ZNF787: variants seen among roughly 807,000 people sequenced by gnomAD.
ZNF787 encodes the protein zinc finger protein 787.
In ZNF787, 7 loss-of-function variants were observed where a neutral mutation model predicts 16.9. That is an observed-to-expected ratio of 0.42 (90% confidence interval 0.24 to 0.78). The LOEUF is 0.78. Ranked by LOEUF, ZNF787 falls within the 30% of genes least tolerant of loss-of-function variation. The probability of loss-of-function intolerance (pLI) is 0.30; values close to 1 mark genes in which losing one functional copy is unlikely to be tolerated. For missense variants in ZNF787, 551 were observed against 589.3 expected (o/e 0.94, Z 0.67); for synonymous variants, 345 against 270.9 (o/e 1.27, Z -2.69).
chr19:56,103,312 C>T, intron 1 of ZNF787, 85 bp from the exon 2 acceptor site: 3 of 1,235,826 alleles, frequency 2.4e-6, no homozygotes, highest in Non-Finnish European at 2.2e-6. Context: ...AGCCTGCAGA[C>T]CCCGGCGTGA....
rs1254610003 is a variant in ZNF787, at chr19:56,087,634, A to C, written c.*389T>G. The C allele has an allele frequency of 2.4e-5, 4 of 168,994 alleles. No homozygotes were observed. The highest frequency in any genetic ancestry group is 6.4e-5 in the Admixed American group (1 of 15,748). The allele number at this position is 168,994 out of a possible 1,614,324, so 10.5% of individuals were successfully genotyped here. A position where few individuals can be genotyped will look rare whatever the true frequency, so the allele number is the denominator to read the frequency against. On this transcript the variant is annotated 3_prime_UTR_variant, in exon 3 of 3. Coordinates refer to ENST00000610935, the MANE Select transcript of ZNF787 (RefSeq NM_001002836.4). ...TTCTCTTCCCTCTCTGGGATCCTCT[A>C]AAGGGCCTGGTTTCTCCATTCCTCG...
intron 2 of ZNF787, among the ~76,000 whole-genome samples, chr19:56,097,589 C>T (rs985211991): frequency 2.0e-5 from 3 of 152,240 alleles, no homozygotes; most frequent in Non-Finnish European, 2.9e-5. Context: ...AACACCCGCA[C>T]GTGCTGCTAG....
At position 56,093,395 on chromosome 19, in the gene ZNF787, G is replaced by A. The variant is rs529563175; in HGVS notation, c.80-4303C>T. On this transcript the variant is annotated intron_variant, in intron 2 of 2. Transcript: ENST00000610935. ...TACAACCCTCTTGCTGGGTGCACACGCGATCTCAGGGTAACAATGCTACTG... is the reference window on the plus strand; with the variant it reads ...TACAACCCTCTTGCTGGGTGCACACACGATCTCAGGGTAACAATGCTACTG... 7.2e-5 allele frequency among the ~76,000 whole-genome samples: 11 copies of A among 152,192 alleles called. No homozygotes were observed. The East Asian group carries it at 9.7e-4, about 13-fold the overall frequency.
intron 1 of ZNF787, among the ~76,000 whole-genome samples, chr19:56,104,737 C>G (rs895289670): frequency 6.6e-6 from 1 of 152,288 alleles, no homozygotes; most frequent in Non-Finnish European, 1.5e-5. Context: ...ACGCACACCA[C>G]CAAGCGGTGC....
At chr19:56,102,836 C>G in intron 2 of ZNF787, 1 of 696,786 alleles carries the variant, frequency 1.4e-6, no homozygotes. Flanking sequence ...AGGGGGCACC[C>G]TCAACAGACG....
At chr19:56,101,263 C>T (rs576026020) in intron 2 of ZNF787, among the ~76,000 whole-genome samples, 7 of 152,392 alleles carry the variant, frequency 4.6e-5, no homozygotes, top group Admixed American at 3.9e-4. Context: ...GTTACGCGAA[C>T]GCCGGACACC....
intron 2 of ZNF787, among the ~76,000 whole-genome samples, chr19:56,100,086 G>A (rs1986034685): frequency 6.6e-6 from 1 of 152,286 alleles, no homozygotes; most frequent in African/African-American, 2.4e-5. Context: ...TATTCCCAGA[G>A]CAGGTGCCGG....
intron 1 of ZNF787, among the ~76,000 whole-genome samples, chr19:56,114,905 C>T (rs975224742): frequency 8.5e-5 from 13 of 152,252 alleles, no homozygotes; most frequent in South Asian, 4.1e-4. Context: ...AAGCCCACAG[C>T]GCCACCCCTC....
chr19:56,099,888 T>C (rs1340436726), intron 2 of ZNF787, among the ~76,000 whole-genome samples: 1 of 151,832 alleles, frequency 6.6e-6, no homozygotes, highest in Non-Finnish European at 1.5e-5. Context: ...CGGCGGATTC[T>C]CGCTCCCGTC....
intron 2 of ZNF787, among the ~76,000 whole-genome samples, chr19:56,090,605 T>G (rs2123389381): frequency 6.6e-6 from 1 of 152,076 alleles, no homozygotes; most frequent in East Asian, 1.9e-4. Context: ...GCAGATCACT[T>G]GAGGTCAGGA....
rs1985359424 is a variant in ZNF787 at position 56,087,897 on chromosome 19, G to GGGAGCCGGGGATGCCGC, written c.*109_*125dup. ...GACGGCGCAGGGACAGAGGAGGGCG[G>GGGAGCCGGGGATGCCGC]GGAGCCGGGGATGCCGCGGGGTCCA... On this transcript the variant is annotated 3_prime_UTR_variant, in exon 3 of 3. Transcript: ENST00000610935. The GGGAGCCGGGGATGCCGC allele has an allele frequency of 7.9e-7, 1 of 1,268,824 alleles. No individual in the cohort carries two copies. Among genetic ancestry groups the GGGAGCCGGGGATGCCGC allele is most frequent in the Non-Finnish European group, 9.9e-7 (1 of 1,006,778 alleles). 78.6% of individuals were successfully genotyped at this position (1,268,824 alleles called of 1,614,324 possible).
intron 1 of ZNF787, among the ~76,000 whole-genome samples, chr19:56,118,112 T>A (rs1320208277): frequency 2.0e-5 from 3 of 152,218 alleles, no homozygotes; most frequent in Admixed American, 6.5e-5. Context: ...GGCTGGTTTC[T>A]CTGCAGCTGT....
chr19:56,093,758 T>C (rs540915491), intron 2 of ZNF787, among the ~76,000 whole-genome samples: 5 of 152,224 alleles, frequency 3.3e-5, no homozygotes, highest in African/African-American at 7.2e-5. Flanking sequence ...AGTCCGAGCA[T>C]AGTCATGTTG....
At chr19:56,112,211 C>A (rs541217807) in intron 1 of ZNF787, among the ~76,000 whole-genome samples, 6 of 152,298 alleles carry the variant, frequency 3.9e-5, no homozygotes, top group Non-Finnish European at 7.4e-5. Flanking sequence ...GAAGGCCCCC[C>A]ACTTGCTCTC....
At chr19:56,089,378 G>C (rs955073875) in intron 2 of ZNF787, among the ~76,000 whole-genome samples, 1 of 152,102 alleles carries the variant, frequency 6.6e-6, no homozygotes, top group Non-Finnish European at 1.5e-5. Flanking sequence ...CAACATAAGA[G>C]GCATGGGCGA....
At chr19:56,096,246 A>T (rs574643) in intron 2 of ZNF787, among the ~76,000 whole-genome samples, 2 of 145,768 alleles carry the variant, frequency 1.4e-5, no homozygotes, top group African/African-American at 5.5e-5. Context: ...TAAAAAAAAT[A>T]AAAAAATAAA....
chr19:56,089,787 G>A (rs947278246), intron 2 of ZNF787, among the ~76,000 whole-genome samples: 7 of 152,180 alleles, frequency 4.6e-5, no homozygotes, highest in African/African-American at 1.7e-4. Context: ...GGCACACAGG[G>A]CTTTGCCTGC....
chr19:56,121,270 G>A lies in ZNF787; in HGVS notation c.-109C>T, dbSNP rs1274777443. 3 of 150,756 alleles carry A rather than the reference G, an allele frequency of 2.0e-5. No homozygotes were observed. The highest frequency in any genetic ancestry group is 6.6e-5 in the Admixed American group (1 of 15,208). 9.3% of individuals were successfully genotyped at this position (150,756 alleles called of 1,614,324 possible). A position where few individuals can be genotyped will look rare whatever the true frequency, so the allele number is the denominator to read the frequency against. On this transcript the variant is annotated 5_prime_UTR_variant, in exon 1 of 3. Coordinates refer to ENST00000610935, the MANE Select transcript of ZNF787 (RefSeq NM_001002836.4). ...AGCGGCGACTCAGACCCTGGGGTCA[G>A]GGGGACGGGCGCCCAGGCCGGAAGT...
intron 1 of ZNF787, among the ~76,000 whole-genome samples, chr19:56,118,323 C>A (rs893754912): frequency 1.3e-5 from 2 of 152,130 alleles, no homozygotes; most frequent in African/African-American, 4.8e-5. Context: ...AGCAGCCCTG[C>A]GTGTAGGAGT....
Sources: allele counts gnomAD v4.1 joint callset (sites outside exome capture counted in the v4.1 genomes callset), GRCh38; gene constraint gnomAD v4.1.1; transcripts MANE v1.5; gene names NCBI Gene and HGNC (gene_info 2026-07-23, HGNC 2026-07-21).